Variants in NRG3 observed in about 807,000 individuals in gnomAD.
NRG3 encodes pro-neuregulin-3, membrane-bound isoform.
NRG3 carries 31 observed loss-of-function variants against 66.9 expected under a neutral mutation model. The observed-to-expected ratio is 0.46, with a 90% CI of 0.35 to 0.63. The LOEUF is 0.63. NRG3 is among the 20% of genes least tolerant of loss of function. The pLI, the probability that NRG3 is intolerant of heterozygous loss-of-function variation, is 0.00. For missense variants in NRG3, 910 were observed against 878.9 expected, an observed-to-expected ratio of 1.04 and a Z score of -0.45; for synonymous variants, 393 against 359.4, an observed-to-expected ratio of 1.09 and a Z score of -1.06.
intron 1 of NRG3, among the ~76,000 whole-genome samples, chr10:81,995,079 G>A (rs1167369423): frequency 6.6e-6 from 1 of 152,092 alleles, no homozygotes; most frequent in African/African-American, 2.4e-5. Context: ...GCTGAATGGA[G>A]CTCAAGATGA....
chr10:82,384,727 A>T (rs2085866331), intron 2 of NRG3, among the ~76,000 whole-genome samples: 1 of 152,114 alleles, frequency 6.6e-6, no homozygotes, highest in Non-Finnish European at 1.5e-5. Flanking sequence ...GTGAGTAGTG[A>T]TGCCATGAAA....
In NRG3 at chr10:82,161,410, C is replaced by T. The variant is rs138443702; in HGVS notation, c.824-197329C>T. 1.3e-3 allele frequency among the ~76,000 whole-genome samples: 193 copies of T among 152,112 alleles called. 2 individuals are homozygous for T. Among genetic ancestry groups the T allele is most frequent in the Non-Finnish European group, 2.1e-3 (146 of 67,958 alleles). ...AATCTTGTTTTAAATACAGAAGCAC[C>T]GACTATGGGGCAAGTGGTCCATTAA... is the stretch of plus-strand genomic sequence containing the variant. On this transcript the variant is annotated intron_variant, in intron 1 of 8. Transcript: ENST00000372141.
chr10:82,675,890 A>G (rs912914996), intron 2 of NRG3, among the ~76,000 whole-genome samples: 8 of 152,200 alleles, frequency 5.3e-5, no homozygotes, highest in Non-Finnish European at 1.0e-4. Flanking sequence ...CACAGATCAT[A>G]TTTTGTATCT....
chr10:82,732,127 A>G (rs1271274493), intron 2 of NRG3, among the ~76,000 whole-genome samples: 1 of 152,176 alleles, frequency 6.6e-6, no homozygotes, highest in Non-Finnish European at 1.5e-5. Flanking sequence ...CATTATAAAT[A>G]TATATAATTT....
At chr10:82,942,064 G>T (rs1441351641) in intron 4 of NRG3, among the ~76,000 whole-genome samples, 1 of 151,474 alleles carries the variant, frequency 6.6e-6, no homozygotes, top group Non-Finnish European at 1.5e-5. Context: ...CACATTTATG[G>T]ACATCATAGT....
intron 2 of NRG3, among the ~76,000 whole-genome samples, chr10:82,622,812 A>G (rs1216648654): frequency 6.6e-6 from 1 of 152,222 alleles, no homozygotes; most frequent in African/African-American, 2.4e-5. Context: ...TACTCAACAC[A>G]TTATTATAAA....
At chr10:82,499,383 A>G (rs942869690) in intron 2 of NRG3, among the ~76,000 whole-genome samples, 3 of 152,194 alleles carry the variant, frequency 2.0e-5, no homozygotes, top group African/African-American at 7.2e-5. Flanking sequence ...ATTACAGACA[A>G]ACCTTTCTTT....
intron 2 of NRG3, among the ~76,000 whole-genome samples, chr10:82,730,373 C>T (rs977945610): frequency 6.6e-6 from 1 of 152,086 alleles, no homozygotes; most frequent in East Asian, 1.9e-4. Flanking sequence ...TGTGAGCTAC[C>T]GTGCCTGGCC....
At position 82,312,638 on chromosome 10, in the gene NRG3, T is replaced by C. The variant is rs544965408; in HGVS notation, c.824-46101T>C. 1.1e-3 allele frequency among the ~76,000 whole-genome samples: 167 copies of C among 152,292 alleles called. 1 individual carries two copies. Among genetic ancestry groups the C allele is most frequent in the Non-Finnish European group, 1.9e-3 (127 of 68,030 alleles). ...TTGATTTTGTACTTGGATTAGGGGG[T>C]ATTGCAAGATGGCACCTAGTGTATG... On this transcript the variant is annotated intron_variant, in intron 1 of 8. Transcript: ENST00000372141.
At chr10:82,890,466 T>C (rs1210394244) in intron 4 of NRG3, among the ~76,000 whole-genome samples, 1 of 152,176 alleles carries the variant, frequency 6.6e-6, no homozygotes, top group African/African-American at 2.4e-5. Flanking sequence ...CTTAGACTGA[T>C]TTATTGCATA....
chr10:82,078,220 A>T (rs2065199578), intron 1 of NRG3, among the ~76,000 whole-genome samples: 2 of 152,216 alleles, frequency 1.3e-5, no homozygotes, highest in Admixed American at 1.3e-4. Flanking sequence ...GAGGACAATG[A>T]TCTACATCCT....
chr10:82,697,728 GA>G (rs1419357489), intron 2 of NRG3, among the ~76,000 whole-genome samples: 1 of 152,116 alleles, frequency 6.6e-6, no homozygotes, highest in Admixed American at 6.6e-5. Context: ...AAATATGTGG[GA>G]AGTGGTAGGA....
At chr10:81,967,869 A>G (rs139529013) in intron 1 of NRG3, among the ~76,000 whole-genome samples, 5 of 152,254 alleles carry the variant, frequency 3.3e-5, no homozygotes, top group Admixed American at 6.5e-5. Context: ...TTCCAATCAG[A>G]AAGACTTGTT....
At chr10:82,388,336 G>A (rs1032275040) in intron 2 of NRG3, among the ~76,000 whole-genome samples, 9 of 152,128 alleles carry the variant, frequency 5.9e-5, no homozygotes, top group Admixed American at 1.3e-4. Flanking sequence ...TACGTAAAAA[G>A]AGAATGTATT....
At chr10:82,306,738 T>G (rs979254850) in intron 1 of NRG3, among the ~76,000 whole-genome samples, 3 of 118,706 alleles carry the variant, frequency 2.5e-5, no homozygotes, top group Non-Finnish European at 3.5e-5. Flanking sequence ...AAAAAAAAAG[T>G]CTGGCAGAAT....
chr10:82,606,654 G>A (rs1578212), intron 2 of NRG3, among the ~76,000 whole-genome samples: 38,932 of 151,922 alleles, frequency 0.26, 5,326 homozygotes, highest in Admixed American at 0.33. Context: ...CATTGGACAG[G>A]GTGTGCTGGT....
At chr10:81,876,276 G>C (rs1841635642) in intron 1 of NRG3, 113 bp downstream of exon 1, 1 of 1,405,342 alleles carries the variant, frequency 7.1e-7, no homozygotes. Flanking sequence ...CCCATCCCAG[G>C]TTTGGGGCAG....
intron 4 of NRG3, among the ~76,000 whole-genome samples, chr10:82,900,567 A>G (rs1253716112): frequency 6.6e-6 from 1 of 152,150 alleles, no homozygotes; most frequent in Non-Finnish European, 1.5e-5. Context: ...ATACTAATAA[A>G]ACTTATTATT....
At chr10:82,057,480 T>A (rs532772462) in intron 1 of NRG3, among the ~76,000 whole-genome samples, 5 of 152,282 alleles carry the variant, frequency 3.3e-5, no homozygotes, top group Admixed American at 1.3e-4. Context: ...AATAATTTTT[T>A]AAATTCTTTT....
Sources: allele counts gnomAD v4.1 joint callset (sites outside exome capture counted in the v4.1 genomes callset), GRCh38; gene constraint gnomAD v4.1.1; transcripts MANE v1.5; gene names NCBI Gene and HGNC (gene_info 2026-07-23, HGNC 2026-07-21).